Variants in PPP1R36 observed in about 807,000 individuals in gnomAD.
The protein encoded by PPP1R36 is protein phosphatase 1 regulatory subunit 36.
PPP1R36 carries 47 observed loss-of-function variants against 53.4 expected under a neutral mutation model. That is an observed-to-expected ratio of 0.88 (90% CI 0.70 to 1.12). PPP1R36 has a LOEUF of 1.12. PPP1R36 is among the 50% of genes most tolerant of loss of function. The pLI is 0.00. For missense variants in PPP1R36, 456 were observed against 513.9 expected (o/e 0.89, Z 1.09); for synonymous variants, 153 against 170.5 (o/e 0.90, Z 0.80).
intron 3 of PPP1R36, among the ~76,000 whole-genome samples, chr14:64,559,993 C>T (rs1009023762): frequency 6.8e-6 from 1 of 146,990 alleles, no homozygotes; most frequent in Non-Finnish European, 1.5e-5. Flanking sequence ...GTCCCAACTA[C>T]TTGGAAGGCC....
chr14:64,566,879 T>G (rs2080262375), intron 6 of PPP1R36, among the ~76,000 whole-genome samples: 1 of 152,230 alleles, frequency 6.6e-6, no homozygotes, highest in African/African-American at 2.4e-5. Context: ...GTGGAGGAGT[T>G]GATAGGTAAA....
chr14:64,587,855 C>G (rs1284867915), intron 10 of PPP1R36, among the ~76,000 whole-genome samples: 1 of 152,032 alleles, frequency 6.6e-6, no homozygotes, highest in Non-Finnish European at 1.5e-5. Context: ...ACCTCCCAGG[C>G]TCAAGTGATC....
chr14:64,577,228 T>C (rs747129735), intron 8 of PPP1R36, among the ~76,000 whole-genome samples: 2 of 152,200 alleles, frequency 1.3e-5, no homozygotes, highest in Non-Finnish European at 2.9e-5. Context: ...ACGGGCTCTA[T>C]GTCCGTGACT....
At position 64,574,476 on chromosome 14, in the gene PPP1R36, A is replaced by G. The variant is rs2080327533; in HGVS notation, c.555A>G (p.Glu185=). The change falls in exon 8 of 12, where the codon GAA becomes GAG. Residue 185 remains glutamate, a synonymous_variant. Transcript: ENST00000298705. The part of the protein sequence containing the change: ...SYMVGLVEKK[E]MELVLSELEA... The stretch of plus-strand genomic sequence containing the variant: ...TCAGAGGCCTTGTAGAGAAAAAAGA[A>G]ATGGAATTGGTTTTAAGTGAATTAG... 4 of 1,613,306 alleles carry G rather than the reference A, an allele frequency of 2.5e-6. No individual in the cohort carries two copies. Among genetic ancestry groups the G allele is most frequent in the South Asian group, 2.2e-5 (2 of 90,762 alleles).
intron 6 of PPP1R36, among the ~76,000 whole-genome samples, chr14:64,567,877 C>T (rs2080273203): frequency 6.6e-6 from 1 of 152,058 alleles, no homozygotes; most frequent in African/African-American, 2.4e-5. Flanking sequence ...TGGTCTCGAA[C>T]TCCTGACATC....
chr14:64,550,208 G>A, intron 1 of PPP1R36, 142 bp downstream of exon 1: 1 of 1,413,162 alleles, frequency 7.1e-7, no homozygotes, highest in Non-Finnish European at 9.2e-7. Flanking sequence ...AAAGACACCT[G>A]GCCATATTTG....
At position 64,565,341 on chromosome 14, in the gene PPP1R36, T is replaced by C; in HGVS notation, c.270-16T>C. 1 of 1,579,516 alleles carries C rather than the reference T, an allele frequency of 6.3e-7. No individual in the cohort carries two copies. The highest frequency in any genetic ancestry group is 1.4e-5 in the African/African-American group (1 of 73,646). On this transcript the variant is annotated splice_polypyrimidine_tract_variant and intron_variant, in intron 4 of 11. Coordinates refer to ENST00000298705, the MANE Select transcript of PPP1R36 (RefSeq NM_172365.3). Reference sequence around the variant, plus strand: ...TATATTAAAACACTACTAGAAACTGTTATATTCCAAAACAGGTTGACAGAT... The same window carrying C: ...TATATTAAAACACTACTAGAAACTGCTATATTCCAAAACAGGTTGACAGAT...
chr14:64,552,998 T>A, intron 3 of PPP1R36, 137 bp downstream of exon 3: 2 of 650,228 alleles, frequency 3.1e-6, no homozygotes, highest in Non-Finnish European at 5.3e-6. Flanking sequence ...TGAGATAGAG[T>A]CTCACTCCTG....
At chr14:64,584,806 T>C (rs886260586) in intron 8 of PPP1R36, among the ~76,000 whole-genome samples, 11 of 152,158 alleles carry the variant, frequency 7.2e-5, no homozygotes, top group African/African-American at 2.7e-4. Context: ...AGACCAGATA[T>C]GATAATACAT....
chr14:64,576,718 T>A (rs375926560), intron 8 of PPP1R36, among the ~76,000 whole-genome samples: 1 of 152,306 alleles, frequency 6.6e-6, no homozygotes. Flanking sequence ...TGATTCACCA[T>A]GTGTGTGTGA....
At chr14:64,559,644 T>C (rs1217979650) in intron 3 of PPP1R36, 2 of 152,352 alleles carry the variant, frequency 1.3e-5, no homozygotes, top group African/African-American at 2.4e-5. Flanking sequence ...TGGGCCATAA[T>C]GTGGGGACTG....
intron 11 of PPP1R36, 61 bp downstream of exon 11, chr14:64,588,356 AG>A (rs2140254680): frequency 6.9e-7 from 1 of 1,446,412 alleles, no homozygotes. Flanking sequence ...TGGGGCTGGA[AG>A]GGGCAGGGGC....
rs1371055927 is a variant in PPP1R36 at position 64,552,621 on chromosome 14, T to C, written c.135-193T>C. 5 of 534,806 alleles carry C rather than the reference T, an allele frequency of 9.3e-6. No homozygotes were observed. The African/African-American group carries it at 9.6e-5, about 10-fold the overall frequency. The allele number at this position is 534,806 out of a possible 1,614,324, so 33.1% of individuals were successfully genotyped here. A position where few individuals can be genotyped will look rare whatever the true frequency, so the allele number is the denominator to read the frequency against. On this transcript the variant is annotated intron_variant, in intron 2 of 11. Transcript: ENST00000298705. ...AGGAAAGGAGTTGGCTAAGCAGACA[T>C]ACATAGTTACACTAGATGTTTATAG...
chr14:64,565,846 C>A (rs545979559), intron 6 of PPP1R36, among the ~76,000 whole-genome samples, 154 bp downstream of exon 6: 1 of 152,074 alleles, frequency 6.6e-6, no homozygotes, highest in East Asian at 1.9e-4. Flanking sequence ...AAGACTGCGA[C>A]CAAAGAGTCA....
intron 8 of PPP1R36, among the ~76,000 whole-genome samples, chr14:64,576,681 C>G (rs1008027685): frequency 2.0e-5 from 3 of 152,144 alleles, no homozygotes; most frequent in Non-Finnish European, 4.4e-5. Flanking sequence ...CCTCGATCCA[C>G]TTCCAAGGCC....
intron 3 of PPP1R36, chr14:64,561,969 C>T (rs2080208908): frequency 2.8e-6 from 1 of 361,984 alleles, no homozygotes; most frequent in South Asian, 2.1e-5. Flanking sequence ...GTCCAGCCCT[C>T]TGCATTTACG....
chr14:64,574,698 T>A (rs1231444934), intron 8 of PPP1R36, 109 bp downstream of exon 8: 1 of 1,234,250 alleles, frequency 8.1e-7, no homozygotes, highest in African/African-American at 1.5e-5. Flanking sequence ...CTTTTTCTGT[T>A]GTCCAGAGTA....
rs981416229 is a variant in PPP1R36, at chr14:64,587,215, T to C, written c.733T>C (p.Tyr245His). Reference protein sequence around the residue: ...FFESFYTFCTYVAWIVFRRQH... With the variant: ...FFESFYTFCTHVAWIVFRRQH... ...GTAGTCCTTTTATACTTTCTGTACA[T>C]ATGTGGCTTGGATTGTCTTCCGACG... The change falls in exon 10 of 12, where the codon TAT becomes CAT. Residue 245 changes from tyrosine (Y) to histidine (H), a missense_variant. Transcript: ENST00000298705. 6.2e-7 allele frequency: 1 copy of C among 1,611,070 alleles called. No homozygotes were observed. Among genetic ancestry groups the C allele is most frequent in the African/African-American group, 1.3e-5 (1 of 74,756 alleles).
chr14:64,583,646 C>A (rs1215678101), intron 8 of PPP1R36, among the ~76,000 whole-genome samples: 1 of 151,972 alleles, frequency 6.6e-6, no homozygotes, highest in Non-Finnish European at 1.5e-5. Flanking sequence ...GAAACCCCAT[C>A]TCTACTAAAA....
Sources: allele counts gnomAD v4.1 joint callset (sites outside exome capture counted in the v4.1 genomes callset), GRCh38; gene constraint gnomAD v4.1.1; transcripts MANE v1.5; gene names NCBI Gene and HGNC (gene_info 2026-07-23, HGNC 2026-07-21).